TRAF3: variants seen among roughly 807,000 people sequenced by gnomAD.
TRAF3 encodes the protein TNF receptor associated factor 3.
Under a neutral mutation model 62.3 loss-of-function variants are expected in TRAF3, and 13 were observed. The ratio of observed to expected loss-of-function variants is 0.21; its 90% CI spans 0.14 to 0.33. The LOEUF (loss-of-function observed/expected upper bound fraction) is 0.33. TRAF3 is among the 10% of genes least tolerant of loss of function. TRAF3 has a pLI of 1.00. For synonymous variants in TRAF3, 269 were observed against 283.4 expected (o/e 0.95, Z 0.51); for missense variants, 440 against 741.8 (o/e 0.59, Z 4.73).
At chr14:102,890,748 G>C (rs1451668933) in intron 8 of TRAF3, among the ~76,000 whole-genome samples, 1 of 152,152 alleles carries the variant, frequency 6.6e-6, no homozygotes, top group East Asian at 1.9e-4. Context: ...TATGTACTCT[G>C]TAGATTGTAT....
chr14:102,783,649 C>T (rs2140059006), intron 1 of TRAF3, among the ~76,000 whole-genome samples: 1 of 152,242 alleles, frequency 6.6e-6, no homozygotes, highest in East Asian at 1.9e-4. Flanking sequence ...AAACTTACTT[C>T]GTTCCCTAAA....
At chr14:102,837,482 TTAGCC>T (rs1886095791) in intron 2 of TRAF3, among the ~76,000 whole-genome samples, 1 of 152,172 alleles carries the variant, frequency 6.6e-6, no homozygotes, top group Admixed American at 6.5e-5. Context: ...AAATTTTATT[TTAGCC>T]TAGCCGAGAT....
intron 2 of TRAF3, among the ~76,000 whole-genome samples, chr14:102,843,757 A>G (rs749006811): frequency 2.6e-5 from 4 of 152,134 alleles, no homozygotes; most frequent in Non-Finnish European, 5.9e-5. Context: ...ACAGTGAGCT[A>G]TGATCACACC....
intron 2 of TRAF3, among the ~76,000 whole-genome samples, chr14:102,858,546 C>A (rs1887510605): frequency 6.6e-6 from 1 of 152,322 alleles, no homozygotes; most frequent in South Asian, 2.1e-4. Flanking sequence ...TGACTATAAA[C>A]CACCTTTTGA....
intron 1 of TRAF3, among the ~76,000 whole-genome samples, chr14:102,789,886 G>A (rs1410805639): frequency 6.6e-6 from 1 of 151,604 alleles, no homozygotes; most frequent in Admixed American, 6.6e-5. Context: ...GTGGTGCAGT[G>A]GCATGATCTT....
At position 102,868,325 on chromosome 14, in the gene TRAF3, G is replaced by A. The variant is rs1356513268; in HGVS notation, c.-17-1860G>A. On this transcript the variant is annotated intron_variant, in intron 2 of 11. Coordinates refer to ENST00000392745, the MANE Select transcript of TRAF3 (RefSeq NM_145725.3). ...TACTGATGTGAGGCGGCTGGTCTAG[G>A]CAGCGGTGTTCCCTGAGGCTCCTGA... Among the ~76,000 whole-genome samples the A allele has an allele frequency of 3.3e-5, 5 of 152,132 alleles. No homozygotes were observed. In the East Asian group the frequency reaches 9.6e-4, roughly 29 times the overall value.
chr14:102,861,201 A>T (rs1887658025), intron 2 of TRAF3, among the ~76,000 whole-genome samples: 1 of 152,104 alleles, frequency 6.6e-6, no homozygotes, highest in Admixed American at 6.5e-5. Flanking sequence ...GGGAGGAAAA[A>T]GCTCCCCATG....
intron 1 of TRAF3, among the ~76,000 whole-genome samples, chr14:102,821,842 GA>G (rs759438661): frequency 1.4e-4 from 21 of 152,170 alleles, no homozygotes; most frequent in Non-Finnish European, 1.2e-4. Flanking sequence ...GGGAGTTCGA[GA>G]CCAGCCTGGC....
At chr14:102,858,454 A>G (rs780759429) in intron 2 of TRAF3, among the ~76,000 whole-genome samples, 4 of 152,148 alleles carry the variant, frequency 2.6e-5, no homozygotes, top group Non-Finnish European at 4.4e-5. Flanking sequence ...CACCCGGCCT[A>G]AGAACCTCTA....
chr14:102,845,142 C>T (rs1312819926), intron 2 of TRAF3, among the ~76,000 whole-genome samples: 1 of 151,984 alleles, frequency 6.6e-6, no homozygotes, highest in African/African-American at 2.4e-5. Flanking sequence ...GTGATCCACC[C>T]ACCTCGGCCT....
intron 10 of TRAF3, among the ~76,000 whole-genome samples, chr14:102,899,561 G>C (rs1470109082): frequency 6.6e-6 from 1 of 152,222 alleles, no homozygotes; most frequent in Non-Finnish European, 1.5e-5. Context: ...GCTCCATGCT[G>C]CTGCACAGAT....
chr14:102,782,769 A>T (rs926858361), intron 1 of TRAF3, among the ~76,000 whole-genome samples: 3 of 152,150 alleles, frequency 2.0e-5, no homozygotes, highest in Non-Finnish European at 4.4e-5. Context: ...CTACCAAGAA[A>T]GATATGGCGA....
At chr14:102,855,522 G>A (rs545696330) in intron 2 of TRAF3, among the ~76,000 whole-genome samples, 54 of 152,138 alleles carry the variant, frequency 3.5e-4, no homozygotes, top group African/African-American at 1.1e-3. Flanking sequence ...TAGGCCAGGC[G>A]CAGTGGCTCA....
chr14:102,788,673 C>G (rs1165140622), intron 1 of TRAF3, among the ~76,000 whole-genome samples: 1 of 152,222 alleles, frequency 6.6e-6, no homozygotes, highest in Non-Finnish European at 1.5e-5. Flanking sequence ...TGGCGCATGC[C>G]TCTAGTCCCA....
At chr14:102,880,731 G>A (rs1036591267) in intron 6 of TRAF3, among the ~76,000 whole-genome samples, 1 of 152,208 alleles carries the variant, frequency 6.6e-6, no homozygotes, top group Admixed American at 6.5e-5. Flanking sequence ...GTGATAGACT[G>A]GATAAAGAAA....
chr14:102,838,702 T>G (rs956092924), intron 2 of TRAF3, among the ~76,000 whole-genome samples: 1 of 152,128 alleles, frequency 6.6e-6, no homozygotes, highest in African/African-American at 2.4e-5. Flanking sequence ...GCAAGTCCAC[T>G]CCTGGTGAGG....
In TRAF3 at chr14:102,875,720, C is replaced by T. The variant is rs1888609151; in HGVS notation, c.394C>T (p.His132Tyr). 1 of 1,613,562 alleles carries T rather than the reference C, an allele frequency of 6.2e-7. No individual in the cohort carries two copies. The highest frequency in any genetic ancestry group is 8.5e-7 in the Non-Finnish European group (1 of 1,179,656). The change falls in exon 5 of 12, where the codon CAT becomes TAT. Residue 132 changes from histidine to tyrosine, a missense_variant. By Grantham distance (83) the His-to-Tyr change is moderately conservative (BLOSUM62 2). Transcript: ENST00000392745. ...RGCAEQLMLG[H>Y]LLVHLKNDCH... The stretch of plus-strand genomic sequence containing the variant: ...TTGTGCAGAGCAGTTAATGCTGGGA[C>T]ATCTGCTGGTGAGTAGCAAAGGGAC...
Position 102,825,588 on chromosome 14 carries a change from G to A in TRAF3, c.-156-4746G>A, listed in dbSNP as rs544196593. On this transcript the variant is annotated intron_variant, in intron 1 of 11. Transcript: ENST00000392745. ...CTTCCCACTGCTCGAGATCCCCCAC[G>A]GAGAGCCCACTCAGGCTACGCTTGG... Among the ~76,000 whole-genome samples, 15 of 152,332 alleles carry A rather than the reference G, an allele frequency of 9.8e-5. 2 individuals are homozygous for A. Among genetic ancestry groups the A allele is most frequent in the East Asian group, 5.8e-4 (3 of 5,184 alleles).
chr14:102,833,566 G>T (rs1310483034), intron 2 of TRAF3, among the ~76,000 whole-genome samples: 4 of 152,200 alleles, frequency 2.6e-5, no homozygotes, highest in Non-Finnish European at 4.4e-5. Context: ...TGACTGAGGA[G>T]AATGAGGTAG....
Sources: allele counts gnomAD v4.1 joint callset (sites outside exome capture counted in the v4.1 genomes callset), GRCh38; gene constraint gnomAD v4.1.1; transcripts MANE v1.5; gene names NCBI Gene and HGNC (gene_info 2026-07-23, HGNC 2026-07-21).